The following CCNG1 variants were observed in gnomAD, a reference collection of about 807,000 sequenced individuals.
CCNG1 encodes the protein cyclin G1.
CCNG1 carries 13 observed loss-of-function variants against 30.0 expected under a neutral mutation model. The ratio of observed to expected loss-of-function variants is 0.43; its 90% CI spans 0.28 to 0.69. The LOEUF is 0.69. CCNG1 is among the 30% of genes least tolerant of loss of function. CCNG1 has a pLI of 0.16. For missense variants in CCNG1, 285 were observed against 331.4 expected (o/e 0.86, Z 1.09); for synonymous variants, 110 against 121.5 (o/e 0.91, Z 0.62).
At chr5:163,449,960 A>C (rs1758137559), downstream of CCNG1, 1 of 152,198 alleles carries the variant, frequency 6.6e-6, no homozygotes, top group Non-Finnish European at 1.5e-5. Context: ...TTTTTAGAAG[A>C]AAAAAATCCA....
downstream of CCNG1, chr5:163,448,112 T>A (rs1260255503): frequency 6.7e-6 from 1 of 150,118 alleles, no homozygotes; most frequent in African/African-American, 2.5e-5. Context: ...TGAGCTATGA[T>A]CATAACACTA....
rs765771131 is a variant in CCNG1, at chr5:163,439,219, C to T, written c.1-38C>T. ...TGGCCAAGGAAAGCAGGAAGGACTA[C>T]TCTTACACTCCTTGCTGGTCTTTTT... On this transcript the variant is annotated intron_variant, in intron 1 of 6. Coordinates refer to ENST00000340828, the MANE Select transcript of CCNG1 (RefSeq NM_004060.4). 14 of 1,586,750 alleles carry T rather than the reference C, an allele frequency of 8.8e-6. No individual in the cohort carries two copies. In the South Asian group the frequency reaches 1.6e-4, roughly 18 times the overall value.
intron 6 of CCNG1, among the ~76,000 whole-genome samples, chr5:163,443,125 T>A (rs62394890): frequency 8.5e-5 from 13 of 152,076 alleles, no homozygotes; most frequent in African/African-American, 2.4e-4. Context: ...CTGGCCAACA[T>A]GGTGAAACCC....
intron 5 of CCNG1, 89 bp downstream of exon 5, chr5:163,442,232 T>C: frequency 8.2e-6 from 9 of 1,102,316 alleles, no homozygotes; most frequent in Non-Finnish European, 9.2e-6. Flanking sequence ...AGATGTCATA[T>C]GTTTATTTGA....
At chr5:163,451,012 T>C (rs919778601), downstream of CCNG1, 5 of 152,080 alleles carry the variant, frequency 3.3e-5, no homozygotes, top group East Asian at 1.9e-4. Flanking sequence ...TCTTAAGACA[T>C]GTAAAGTGAA....
chr5:163,439,403 A>C lies in CCNG1; in HGVS notation c.147A>C (p.Ala49=). 1.9e-6 allele frequency: 3 copies of C among 1,614,194 alleles called. No individual in the cohort carries two copies. The highest frequency in any genetic ancestry group is 1.7e-5 in the Admixed American group (1 of 60,034). The change falls in exon 2 of 7, where the codon GCA becomes GCC. Residue 49 remains alanine, a synonymous_variant. Coordinates refer to ENST00000340828, the MANE Select transcript of CCNG1 (RefSeq NM_004060.4). ...ACGATAATGGCCTCAGAATGACTGC[A>C]AGACTAAGGGACTTTGAAGTAAAAG... ...SAHDNGLRMT[A]RLRDFEVKDL...
the CCNG1 span, among the ~76,000 whole-genome samples, chr5:163,454,696 T>A: frequency 6.6e-6 from 1 of 152,206 alleles, no homozygotes; most frequent in Non-Finnish European, 1.5e-5. Context: ...CTAAGAGCTA[T>A]ACATATATAA....
In CCNG1 at chr5:163,439,452, T is replaced by G. The variant is rs1443433076; in HGVS notation, c.196T>G (p.Phe66Val). 2.5e-6 allele frequency: 4 copies of G among 1,613,950 alleles called. No homozygotes were observed. Among genetic ancestry groups the G allele is most frequent in the Non-Finnish European group, 3.4e-6 (4 of 1,179,912 alleles). Residue 66 changes from phenylalanine (F) to valine (V), a missense_variant, in exon 2 of 7, where the codon TTT (phenylalanine) becomes GTT (valine). By Grantham distance (50) the Phe-to-Val change is conservative. Transcript: ENST00000340828. Reference sequence around the variant, plus strand: ...AGATCTTCTTAGTCTAACTCAGTTCTTTGGCTTTGACACAGAGACATTTTC... The same window carrying G: ...AGATCTTCTTAGTCTAACTCAGTTCGTTGGCTTTGACACAGAGACATTTTC... ...VKDLLSLTQF[F>V]GFDTETFSLA...
At chr5:163,457,132 T>A in the CCNG1 span, 24 of 1,425,640 alleles carry the variant, frequency 1.7e-5, no homozygotes, top group Middle Eastern at 3.9e-4. Flanking sequence ...GAGTTCTTCA[T>A]CAAGTTGTTT....
rs1757950476 is a variant in CCNG1, at chr5:163,443,825, TATG to T, written c.*156_*158del. The T allele has an allele frequency of 1.4e-6, 1 of 711,414 alleles. No individual in the cohort carries two copies. The highest frequency in any genetic ancestry group is 2.8e-5 in the East Asian group (1 of 35,606). 44.1% of individuals were successfully genotyped at this position (711,414 alleles called of 1,614,324 possible). A position where few individuals can be genotyped will look rare whatever the true frequency, so the allele number is the denominator to read the frequency against. ...CAGACTTGGGAAAACTGCCTAATAT[TATG>T]CTGTAGTGGAATTATGTTTAGATTT... On this transcript the variant is annotated 3_prime_UTR_variant, in exon 7 of 7. Transcript: ENST00000340828.
chr5:163,445,413 A>G (rs556485481), downstream of CCNG1, among the ~76,000 whole-genome samples: 2 of 152,242 alleles, frequency 1.3e-5, no homozygotes, highest in Non-Finnish European at 2.9e-5. Context: ...AGTACCAGAA[A>G]CAATAAAATC....
chr5:163,455,524 G>C, the CCNG1 span, among the ~76,000 whole-genome samples: 3 of 152,208 alleles, frequency 2.0e-5, no homozygotes, highest in South Asian at 6.2e-4. Flanking sequence ...GGCACTTTGG[G>C]AGGCCAAGGC....
chr5:163,443,589 T>G, intron 6 of CCNG1, 85 bp from the exon 7 acceptor site: 2 of 708,290 alleles, frequency 2.8e-6, no homozygotes, highest in South Asian at 3.2e-5. Flanking sequence ...GAATATTAGA[T>G]ATGAACATTT....
At chr5:163,440,190 G>T (rs888841448) in intron 2 of CCNG1, among the ~76,000 whole-genome samples, 1 of 152,042 alleles carries the variant, frequency 6.6e-6, no homozygotes, top group Non-Finnish European at 1.5e-5. Flanking sequence ...CTAACACAGT[G>T]CATCATAAAA....
chr5:163,439,907 T>A (rs1757718951), intron 2 of CCNG1, among the ~76,000 whole-genome samples: 1 of 152,156 alleles, frequency 6.6e-6, no homozygotes, highest in Non-Finnish European at 1.5e-5. Flanking sequence ...TATTTGTTAA[T>A]CACTACCCAT....
chr5:163,447,615 T>G (rs934945666), downstream of CCNG1: 3 of 152,212 alleles, frequency 2.0e-5, no homozygotes, highest in African/African-American at 7.2e-5. Flanking sequence ...CCAGCTAGAT[T>G]TAATTGACAT....
At chr5:163,443,311 C>CAA (rs35396845) in intron 6 of CCNG1, among the ~76,000 whole-genome samples, 17 of 90,152 alleles carry the variant, frequency 1.9e-4, no homozygotes, top group East Asian at 5.7e-4. Context: ...GACTCCGCCA[C>CAA]AAAAAAAAAA....
Position 163,437,715 on chromosome 5 carries a change from C to G in CCNG1, c.-90C>G, listed in dbSNP as rs1032353145. The G allele has an allele frequency of 1.3e-5, 2 of 152,306 alleles. No homozygotes were observed. Among genetic ancestry groups the G allele is most frequent in the Non-Finnish European group, 2.9e-5 (2 of 68,128 alleles). 9.4% of individuals were successfully genotyped at this position (152,306 alleles called of 1,614,324 possible). A position where few individuals can be genotyped will look rare whatever the true frequency, so the allele number is the denominator to read the frequency against. ...TCCTCTTGCCTACGAGTCCCCTCTC[C>G]TCGTAGGCCTCTCGGATCTGATATC... is the stretch of plus-strand genomic sequence containing the variant. On this transcript the variant is annotated 5_prime_UTR_variant, in exon 1 of 7. Coordinates refer to ENST00000340828, the MANE Select transcript of CCNG1 (RefSeq NM_004060.4).
At chr5:163,456,126 G>A in the CCNG1 span, among the ~76,000 whole-genome samples, 1 of 152,132 alleles carries the variant, frequency 6.6e-6, no homozygotes, top group African/African-American at 2.4e-5. Flanking sequence ...AGGTGGAGAT[G>A]TTGAATAGGC....
Sources: allele counts gnomAD v4.1 joint callset (sites outside exome capture counted in the v4.1 genomes callset), GRCh38; gene constraint gnomAD v4.1.1; transcripts MANE v1.5; gene names NCBI Gene and HGNC (gene_info 2026-07-23, HGNC 2026-07-21).